Variants in ITGA5 observed in about 807,000 individuals in gnomAD.
The protein encoded by ITGA5 is integrin subunit alpha 5, also known as integrin alpha-5.
A neutral mutation model predicts 146.3 loss-of-function variants in ITGA5; 55 were observed. That is an observed-to-expected ratio of 0.38 (90% CI 0.30 to 0.47). The LOEUF is 0.47. Ranked by LOEUF, ITGA5 falls within the 20% of genes least tolerant of loss-of-function variation. The pLI is 0.99. For synonymous variants in ITGA5, 500 were observed against 531.8 expected, an observed-to-expected ratio of 0.94 and a Z score of 0.82; for missense variants, 1,131 against 1,329.0, an observed-to-expected ratio of 0.85 and a Z score of 2.32.
intron 2 of ITGA5, among the ~76,000 whole-genome samples, chr12:54,410,789 T>G (rs930680249): frequency 1.3e-5 from 2 of 151,924 alleles, no homozygotes; most frequent in Non-Finnish European, 2.9e-5. Context: ...TGCAGTGACA[T>G]GATTTCAGCT....
At chr12:54,408,995 T>A in intron 4 of ITGA5, 41 bp from the exon 5 acceptor site, 1 of 1,589,136 alleles carries the variant, frequency 6.3e-7, no homozygotes, top group Non-Finnish European at 8.6e-7. Flanking sequence ...CCTGCATAGA[T>A]GGGTCATCCA....
Position 54,401,735 on chromosome 12 carries a change from G to A in ITGA5, c.2306+41C>T, listed in dbSNP as rs368985595. The A allele has an allele frequency of 1.6e-4, 255 of 1,610,384 alleles. No homozygotes were observed. The highest frequency in any genetic ancestry group is 3.5e-4 in the Admixed American group (21 of 59,954). On this transcript the variant is annotated intron_variant, in intron 22 of 29. Coordinates refer to ENST00000293379, the MANE Select transcript of ITGA5 (RefSeq NM_002205.5). The surrounding 1 kb of genome is among the most constrained non-coding windows in gnomAD (Gnocchi z 5.0). ...AGAATGGCGCCCAGCCCTCCCTTCC[G>A]TCCCCAGCTCAGCCCCAGCCTAGAC...
rs143445624 is a variant in ITGA5, at chr12:54,397,452, G to A, written c.2979C>T (p.Gly993=). The stretch of plus-strand genomic sequence containing the variant: ...TGATCCACAGTGGGACGCCATAGCT[G>A]CCTTCTGCCTTGGTCCATTGCACAG... The part of the protein sequence containing the change: ...ATAVQWTKAE[G]SYGVPLWIII... Residue 993 remains glycine (G), a synonymous_variant, in exon 29 of 30, where the codon GGC becomes GGT. Coordinates refer to ENST00000293379, the MANE Select transcript of ITGA5 (RefSeq NM_002205.5). The A allele has an allele frequency of 1.6e-4, 260 of 1,614,052 alleles. No individual in the cohort carries two copies. The highest frequency in any genetic ancestry group is 2.1e-4 in the Non-Finnish European group (251 of 1,180,008).
Position 54,408,873 on chromosome 12 carries a change from C to G in ITGA5, c.645+20G>C, listed in dbSNP as rs528346498. 6.2e-7 allele frequency: 1 copy of G among 1,614,048 alleles called. No individual in the cohort carries two copies. The highest frequency in any genetic ancestry group is 1.3e-5 in the African/African-American group (1 of 75,048). ...ATGTCCACCACCCACGGCCCCTTCT[C>G]TCCCAGACCACTCTCTCACCTTGGT... On this transcript the variant is annotated intron_variant, in intron 5 of 29. Transcript: ENST00000293379.
At chr12:54,407,910 T>C (rs776013479) in intron 7 of ITGA5, 34 bp from the exon 8 acceptor site, 2 of 1,558,230 alleles carry the variant, frequency 1.3e-6, no homozygotes, top group Non-Finnish European at 1.7e-6. Flanking sequence ...TTAGGATTCC[T>C]GCTTTGAGGA....
In ITGA5 at chr12:54,404,162, C is replaced by A; in HGVS notation, c.1548G>T (p.Glu516Asp). ...CAGCTCACCAGGCCACAGGGTTCCC[C>A]TCTAAGCTGCAGCTCCGCTCCTCTG... Reference protein sequence around the residue: ...FNPEERSCSLEGNPVACINLS... With the variant: ...FNPEERSCSLDGNPVACINLS... The change falls in exon 15 of 30, where the codon GAG becomes GAT. Residue 516 changes from glutamate to aspartate, a missense_variant. This residue lies in a region of ITGA5 where 889 missense variants were observed against 1,021.5 expected (regional missense o/e 0.87). Coordinates refer to ENST00000293379, the MANE Select transcript of ITGA5 (RefSeq NM_002205.5). The A allele has an allele frequency of 4.4e-6, 7 of 1,591,378 alleles. No homozygotes were observed. The highest frequency in any genetic ancestry group is 6.0e-6 in the Non-Finnish European group (7 of 1,169,202).
intron 1 of ITGA5, among the ~76,000 whole-genome samples, chr12:54,418,593 C>T (rs1188057519): frequency 1.3e-5 from 2 of 152,002 alleles, no homozygotes; most frequent in Non-Finnish European, 2.9e-5. Flanking sequence ...AAGCCCTTCC[C>T]GGCCTCTGCG....
Position 54,401,566 on chromosome 12 carries a change from C to T in ITGA5, c.2387+19G>A, listed in dbSNP as rs374019255. The T allele has an allele frequency of 2.0e-5, 32 of 1,613,254 alleles. No individual in the cohort carries two copies. In the African/African-American group the frequency reaches 3.9e-4, roughly 20 times the overall value. On this transcript the variant is annotated intron_variant, in intron 23 of 29. Coordinates refer to ENST00000293379, the MANE Select transcript of ITGA5 (RefSeq NM_002205.5). The surrounding 1 kb of genome is among the most constrained non-coding windows in gnomAD (Gnocchi z 5.0). The stretch of plus-strand genomic sequence containing the variant: ...TCTGTGTCCCCTCTCAGAAAGACCC[C>T]ATTTTGCCTGGCACTGACCCGTTCA...
At position 54,404,869 on chromosome 12, in the gene ITGA5, A is replaced by G; in HGVS notation, c.1251T>C (p.Gly417=). The G allele has an allele frequency of 6.3e-7, 1 of 1,591,742 alleles. No homozygotes were observed. Among genetic ancestry groups the G allele is most frequent in the East Asian group, 2.2e-5 (1 of 44,628 alleles). ...ACACTACTCCCTGCTGGGTCTCCCC[A>G]CCAAAGGGAGCCCCGATGGCCACAT... is the stretch of plus-strand genomic sequence containing the variant. ...YNDVAIGAPF[G]GETQQGVVFV... is the part of the protein sequence containing the mutation. The change falls in exon 13 of 30, where the codon GGT becomes GGC. Residue 417 remains glycine (G), a synonymous_variant. Transcript: ENST00000293379.
chr12:54,410,472 A>G (rs1041539809), intron 2 of ITGA5, among the ~76,000 whole-genome samples: 2 of 151,586 alleles, frequency 1.3e-5, no homozygotes, highest in African/African-American at 4.8e-5. Context: ...CAGCCCCCCA[A>G]GTGGGTGGAA....
Position 54,405,168 on chromosome 12 carries a change from T to C in ITGA5, c.1223A>G (p.Asn408Ser), listed in dbSNP as rs759806937. ...PLGDLDQDGY[N>S]DVAIGAPFGG... Reference sequence around the variant, plus strand: ...CTCTCTGAGCCCATGGTACTCACCATTGTAGCCATCCTGGTCCAGGTCCCC... The same window carrying C: ...CTCTCTGAGCCCATGGTACTCACCACTGTAGCCATCCTGGTCCAGGTCCCC... Residue 408 changes from asparagine (N) to serine (S), a missense_variant and splice_region_variant, in exon 12 of 30, where the codon AAT becomes AGT. Asn to Ser is a conservative substitution (Grantham distance 46, BLOSUM62 1). Around this residue, in one of 3 missense-constraint regions of ITGA5, gnomAD observed 889 missense variants for 1,021.5 expected, o/e 0.87. Transcript: ENST00000293379. 7 of 1,595,882 alleles carry C rather than the reference T, an allele frequency of 4.4e-6. No individual in the cohort carries two copies. Among genetic ancestry groups the C allele is most frequent in the African/African-American group, 1.3e-5 (1 of 74,692 alleles).
chr12:54,404,578 G>A (rs1955835804), intron 13 of ITGA5, 103 bp from the exon 14 acceptor site: 1 of 1,502,406 alleles, frequency 6.7e-7, no homozygotes, highest in African/African-American at 1.4e-5. Flanking sequence ...GAAGTGAGAA[G>A]ACAGCGCCCT....
intron 1 of ITGA5, chr12:54,412,663 A>C (rs754155072): frequency 6.6e-6 from 1 of 152,380 alleles, no homozygotes; most frequent in Non-Finnish European, 1.5e-5. Flanking sequence ...CTGAATTCAG[A>C]GTCTGCTCTA....
chr12:54,405,095 G>C (rs1184094586), intron 12 of ITGA5, 71 bp downstream of exon 12: 1 of 1,371,062 alleles, frequency 7.3e-7, no homozygotes, highest in Non-Finnish European at 1.0e-6. Flanking sequence ...GCTGACAGAT[G>C]CCCTCTCCCC....
intron 29 of ITGA5, 95 bp downstream of exon 29, chr12:54,397,270 G>A (rs1205074239): frequency 7.1e-7 from 1 of 1,407,660 alleles, no homozygotes; most frequent in East Asian, 2.3e-5. Context: ...CACATGGCTG[G>A]TGAACTGGTC....
intron 9 of ITGA5, 84 bp from the exon 10 acceptor site, chr12:54,406,010 G>A (rs1687068461): frequency 8.1e-7 from 1 of 1,238,804 alleles, no homozygotes; most frequent in Non-Finnish European, 1.2e-6. Context: ...AGGACACCCA[G>A]GGGCAGGCAT....
chr12:54,409,577 A>C lies in ITGA5; in HGVS notation c.370T>G (p.Ser124Ala). Residue 124 changes from serine to alanine, a missense_variant, in exon 3 of 30, where the codon TCA (serine) becomes GCA (alanine). By Grantham distance (99) the Ser-to-Ala change is moderately conservative. Transcript: ENST00000293379. The surrounding 1 kb of genome is among the most constrained non-coding windows in gnomAD (Gnocchi z 4.7). ...TCCTCTCCCTCTGAGCTGGACAGTGAGGACTCCAGGAGCCGAGAGCCTTGT... is the reference window on the plus strand; with the variant it reads ...TCCTCTCCCTCTGAGCTGGACAGTGCGGACTCCAGGAGCCGAGAGCCTTGT... The part of the protein sequence containing the change: ...DSKGSRLLES[S>A]LSSSEGEEPV... The C allele has an allele frequency of 6.2e-7, 1 of 1,613,168 alleles. No homozygotes were observed. The highest frequency in any genetic ancestry group is 8.5e-7 in the Non-Finnish European group (1 of 1,179,720).
chr12:54,404,632 G>A, intron 13 of ITGA5, 71 bp downstream of exon 13: 1 of 1,510,570 alleles, frequency 6.6e-7, no homozygotes, highest in Admixed American at 1.7e-5. Flanking sequence ...TTAAGGAAAG[G>A]TGCAGAAGAG....
At chr12:54,408,710 A>AG (rs1955900789) in intron 6 of ITGA5, 46 bp downstream of exon 6, 1 of 144,494 alleles carries the variant, frequency 6.9e-6, no homozygotes, top group African/African-American at 3.5e-5. Flanking sequence ...ACTTCGTCTC[A>AG]AAAAAAAAAA....
Sources: gnomAD v4.1 joint callset for allele counts (sites outside exome capture counted in the v4.1 genomes callset) on GRCh38, gnomAD v4.1.1 for gene constraint, gnomAD v4.1.1 regional missense constraint, Gnocchi (gnomAD v3.1) non-coding constraint, MANE v1.5 for transcripts, NCBI Gene and HGNC (gene_info 2026-07-23, HGNC 2026-07-21) for gene names.